PLCB3: variants seen among roughly 807,000 people sequenced by gnomAD.
The protein encoded by PLCB3 is phospholipase C beta 3, also known as 1-phosphatidylinositol 4,5-bisphosphate phosphodiesterase beta-3.
PLCB3 carries 54 observed loss-of-function variants against 152.1 expected under a neutral mutation model. The ratio of observed to expected loss-of-function variants is 0.36; its 90% confidence interval spans 0.29 to 0.45. The LOEUF (loss-of-function observed/expected upper bound fraction) is 0.45. Among genes scored for constraint, PLCB3 ranks in the 20% least tolerant of loss-of-function variants. The pLI is 1.00. For synonymous variants in PLCB3, 717 were observed against 698.7 expected, an observed-to-expected ratio of 1.03 and a Z score of -0.41; for missense variants, 1,248 against 1,687.5, an observed-to-expected ratio of 0.74 and a Z score of 4.56.
Position 64,254,926 on chromosome 11 carries a change from T to C in PLCB3, c.275T>C (p.Phe92Ser). Residue 92 changes from phenylalanine to serine, a missense_variant, in exon 4 of 31, where the codon TTT (phenylalanine) becomes TCT (serine). Coordinates refer to ENST00000279230, the MANE Select transcript of PLCB3 (RefSeq NM_000932.5). ...CCCAAGATCCGGGAAGTTCTGGGCT[T>C]TGGGGGTCCCGATGCCCGGCTGGAG... The part of the protein sequence containing the change: ...KDPKIREVLG[F>S]GGPDARLEEK... The C allele has an allele frequency of 6.2e-7, 1 of 1,605,612 alleles. No homozygotes were observed. The highest frequency in any genetic ancestry group is 8.5e-7 in the Non-Finnish European group (1 of 1,174,824).
chr11:64,266,566 C>T lies in PLCB3; in HGVS notation c.3414+14C>T, dbSNP rs960783188. ...TCCATCCGTCGGGTGAGTCAGGCTC[C>T]CGGGCCACCCTACCCCACCTCCCTT... On this transcript the variant is annotated intron_variant, in intron 29 of 30. Coordinates refer to ENST00000279230, the MANE Select transcript of PLCB3 (RefSeq NM_000932.5). This position sits in a 1 kb window ranked among gnomAD's most constrained non-coding sequence, Gnocchi z 4.9. The T allele has an allele frequency of 8.1e-6, 13 of 1,612,932 alleles. No homozygotes were observed. Among genetic ancestry groups the T allele is most frequent in the Non-Finnish European group, 1.0e-5 (12 of 1,179,278 alleles).
Position 64,262,567 on chromosome 11 carries a change from G to A in PLCB3, c.2193+6G>A. 1 of 1,613,116 alleles carries A rather than the reference G, an allele frequency of 6.2e-7. No homozygotes were observed. The highest frequency in any genetic ancestry group is 8.5e-7 in the Non-Finnish European group (1 of 1,179,416). On this transcript the variant is annotated splice_donor_region_variant and intron_variant, in intron 18 of 30. Coordinates refer to ENST00000279230, the MANE Select transcript of PLCB3 (RefSeq NM_000932.5). ...CCAATGCCTTGCGGGTCAAGGTGGG[G>A]CTTGCGGGCGGCTCAGGCCAGGGGT...
In PLCB3 at chr11:64,266,315, G is replaced by A. The variant is rs2032119436; in HGVS notation, c.3267G>A (p.Arg1089=). The A allele has an allele frequency of 4.1e-5, 66 of 1,613,396 alleles. No homozygotes were observed. Among genetic ancestry groups the A allele is most frequent in the Non-Finnish European group, 5.4e-5 (64 of 1,179,900 alleles). Residue 1089 remains arginine, a splice_region_variant and synonymous_variant, in exon 28 of 31, where the codon AGG becomes AGA. Coordinates refer to ENST00000279230, the MANE Select transcript of PLCB3 (RefSeq NM_000932.5). This position sits in a 1 kb window ranked among gnomAD's most constrained non-coding sequence, Gnocchi z 4.9. The stretch of plus-strand genomic sequence containing the variant: ...CCTCTTCCCCTGCCGGCTTCTCCAG[G>A]GAGAAGAAGGAGCTGCAGAAGATCC... ...QFKRLKEMNE[R]EKKELQKILD...
chr11:64,259,899 C>A, intron 13 of PLCB3, 130 bp from the exon 14 acceptor site: 1 of 744,338 alleles, frequency 1.3e-6, no homozygotes, highest in South Asian at 1.6e-5. Flanking sequence ...CTCCCCAAGC[C>A]ACACTGCCCT....
chr11:64,258,076 C>T lies in PLCB3; in HGVS notation c.1013-397C>T, dbSNP rs182459370. On this transcript the variant is annotated intron_variant, in intron 10 of 30. Transcript: ENST00000279230. This position sits in a 1 kb window ranked among gnomAD's most constrained non-coding sequence, Gnocchi z 7.2. ...GGCTGAGGCAGGAGAATCGCTTGAA[C>T]CAGGGAGGCGGAGGTTGCAGTGAAC... Among the ~76,000 whole-genome samples the T allele has an allele frequency of 5.6e-3, 853 of 151,546 alleles. 5 individuals carry two copies. Among genetic ancestry groups the T allele is most frequent in the Non-Finnish European group, 8.6e-3 (584 of 67,844 alleles).
chr11:64,260,135 C>T lies in PLCB3; in HGVS notation c.1632C>T (p.Asn544=), dbSNP rs750702491. 6 of 1,611,150 alleles carry T rather than the reference C, an allele frequency of 3.7e-6. No individual in the cohort carries two copies. The African/African-American group carries it at 4.0e-5, about 11-fold the overall frequency. ...PQKSLGDEGL[N]RGPYVLGPAD... ...AGTCTCTGGGTGACGAGGGCCTGAACCGAGGCCCCTATGTTCTTGGACCTG... is the reference window on the plus strand; with the variant it reads ...AGTCTCTGGGTGACGAGGGCCTGAATCGAGGCCCCTATGTTCTTGGACCTG... The change falls in exon 14 of 31, where the codon AAC becomes AAT. Residue 544 remains asparagine, a synonymous_variant. Coordinates refer to ENST00000279230, the MANE Select transcript of PLCB3 (RefSeq NM_000932.5).
chr11:64,259,898 C>T, intron 13 of PLCB3, 131 bp from the exon 14 acceptor site: 1 of 739,904 alleles, frequency 1.4e-6, no homozygotes, highest in Non-Finnish European at 2.2e-6. Context: ...TCTCCCCAAG[C>T]CACACTGCCC....
At position 64,251,597 on chromosome 11, in the gene PLCB3, C is replaced by T; in HGVS notation, c.-53C>T. Reference sequence around the variant, plus strand: ...GGGCCGCGCGGTGGGAGCAGCGGCGCCGTCGGTCCCCGTCAGGGCTCCGTG... The same window carrying T: ...GGGCCGCGCGGTGGGAGCAGCGGCGTCGTCGGTCCCCGTCAGGGCTCCGTG... On this transcript the variant is annotated 5_prime_UTR_variant, in exon 1 of 31. Transcript: ENST00000279230. The T allele has an allele frequency of 3.4e-6, 3 of 878,892 alleles. No homozygotes were observed. Among genetic ancestry groups the T allele is most frequent in the Non-Finnish European group, 4.6e-6 (3 of 656,910 alleles). The allele number at this position is 878,892 out of a possible 1,614,324, so 54.4% of individuals were successfully genotyped here. A position where few individuals can be genotyped will look rare whatever the true frequency, so the allele number is the denominator to read the frequency against.
At chr11:64,261,799 G>C (rs181596307) in intron 16 of PLCB3, 134 bp downstream of exon 16, 1 of 1,425,690 alleles carries the variant, frequency 7.0e-7, no homozygotes, top group East Asian at 2.3e-5. Context: ...CCTGGCCTGG[G>C]GCTTGGGCAG....
At position 64,260,119 on chromosome 11, in the gene PLCB3, G is replaced by A. The variant is rs1259224338; in HGVS notation, c.1616G>A (p.Gly539Asp). 1.2e-6 allele frequency: 2 copies of A among 1,612,062 alleles called. No homozygotes were observed. The highest frequency in any genetic ancestry group is 2.2e-5 in the East Asian group (1 of 44,892). The part of the protein sequence containing the change: ...KPSLEPQKSL[G>D]DEGLNRGPYV... Reference sequence around the variant, plus strand: ...AGCCTGGAGCCTCAGAAGTCTCTGGGTGACGAGGGCCTGAACCGAGGCCCC... The same window carrying A: ...AGCCTGGAGCCTCAGAAGTCTCTGGATGACGAGGGCCTGAACCGAGGCCCC... The change falls in exon 14 of 31, where the codon GGT becomes GAT. Residue 539 changes from glycine (G) to aspartate (D), a missense_variant. Gly to Asp is a moderately conservative substitution (Grantham distance 94). This residue lies in a region of PLCB3 where 105 missense variants were observed against 100.9 expected (regional missense o/e 1.04). Coordinates refer to ENST00000279230, the MANE Select transcript of PLCB3 (RefSeq NM_000932.5).
chr11:64,256,972 C>G (rs891775848), intron 10 of PLCB3, among the ~76,000 whole-genome samples: 3 of 148,262 alleles, frequency 2.0e-5, no homozygotes, highest in Admixed American at 1.4e-4. Context: ...GTGTTAGGGC[C>G]TGCAGCAGGA....
In PLCB3 at chr11:64,267,325, G is replaced by A. The variant is rs764004999; in HGVS notation, c.3502-28G>A. ...ACGGGGTGCAAGGCAGCCAGGCCTCGCCTGTGATGCCCATCCTTCTCCCAC... is the reference window on the plus strand; with the variant it reads ...ACGGGGTGCAAGGCAGCCAGGCCTCACCTGTGATGCCCATCCTTCTCCCAC... On this transcript the variant is annotated intron_variant, in intron 30 of 30. Coordinates refer to ENST00000279230, the MANE Select transcript of PLCB3 (RefSeq NM_000932.5). This position sits in a 1 kb window ranked among gnomAD's most constrained non-coding sequence, Gnocchi z 5.2. 57 of 1,550,048 alleles carry A rather than the reference G, an allele frequency of 3.7e-5. No homozygotes were observed. Among genetic ancestry groups the A allele is most frequent in the South Asian group, 1.8e-4 (15 of 84,042 alleles).
At chr11:64,264,467 C>G (rs1210459007) in intron 22 of PLCB3, among the ~76,000 whole-genome samples, 2 of 152,126 alleles carry the variant, frequency 1.3e-5, no homozygotes, top group African/African-American at 2.4e-5. Flanking sequence ...ACCTGCGCTT[C>G]CAGATCCAGT....
In PLCB3 at chr11:64,265,062, G is replaced by A; in HGVS notation, c.2764G>A (p.Gly922Ser). ...PLDASPRRPP[G>S]PTTSPASTSL... ...GGATGCCTCCCCCCGCCGGCCCCCT[G>A]GCCCCACCACCTCCCCTGCCAGCAC... The change falls in exon 23 of 31, where the codon GGC becomes AGC. Residue 922 changes from glycine to serine, a missense_variant. Coordinates refer to ENST00000279230, the MANE Select transcript of PLCB3 (RefSeq NM_000932.5). The A allele has an allele frequency of 9.9e-7, 1 of 1,013,076 alleles. No homozygotes were observed. The highest frequency in any genetic ancestry group is 1.2e-6 in the Non-Finnish European group (1 of 825,034). 62.8% of individuals were successfully genotyped at this position (1,013,076 alleles called of 1,614,324 possible). A position where few individuals can be genotyped will look rare whatever the true frequency, so the allele number is the denominator to read the frequency against.
chr11:64,252,104 C>T (rs1271879276), intron 1 of PLCB3, among the ~76,000 whole-genome samples: 3 of 152,164 alleles, frequency 2.0e-5, no homozygotes, highest in Admixed American at 6.5e-5. Flanking sequence ...ACTAGACTCC[C>T]CGGCTGCAGG....
In PLCB3 at chr11:64,251,542, G is replaced by A. The variant is rs1473429449; in HGVS notation, c.-108G>A. On this transcript the variant is annotated 5_prime_UTR_variant, in exon 1 of 31. Transcript: ENST00000279230. ...GTCGGTCCGGGACAGACTGGCGGGC[G>A]GGCGGGCACTGACGCCGCGGGGCCG... is the stretch of plus-strand genomic sequence containing the variant. The A allele has an allele frequency of 6.4e-6, 2 of 310,394 alleles. No homozygotes were observed. Among genetic ancestry groups the A allele is most frequent in the Non-Finnish European group, 1.1e-5 (2 of 184,444 alleles). 19.2% of individuals were successfully genotyped at this position (310,394 alleles called of 1,614,324 possible).
At chr11:64,263,398 G>A in intron 19 of PLCB3, 100 bp from the exon 20 acceptor site, 1 of 710,420 alleles carries the variant, frequency 1.4e-6, no homozygotes, top group Admixed American at 2.5e-5. Context: ...CTCGTCTGAA[G>A]GTCTGCTTTG....
chr11:64,259,352 CTG>C, intron 13 of PLCB3, 108 bp downstream of exon 13: 4 of 943,836 alleles, frequency 4.2e-6, no homozygotes, highest in Non-Finnish European at 6.1e-6. Context: ...TCCTGCCTCG[CTG>C]TGCGCCTGTT....
Position 64,255,624 on chromosome 11 carries a change from G to T in PLCB3, c.597+8G>T. On this transcript the variant is annotated splice_region_variant and intron_variant, in intron 7 of 30. Transcript: ENST00000279230. This position sits in a 1 kb window ranked among gnomAD's most constrained non-coding sequence, Gnocchi z 6.8. The stretch of plus-strand genomic sequence containing the variant: ...GGCCTCAAATTCAACCGGGTGTGTG[G>T]GGTGGGGACAGGGGCGGGGTGGGGT... 6.2e-7 allele frequency: 1 copy of T among 1,611,612 alleles called. No homozygotes were observed.
Sources: allele counts gnomAD v4.1 joint callset (sites outside exome capture counted in the v4.1 genomes callset), GRCh38; gene constraint gnomAD v4.1.1; regional missense constraint gnomAD v4.1.1; non-coding constraint Gnocchi (gnomAD v3.1); transcripts MANE v1.5; gene names NCBI Gene and HGNC (gene_info 2026-07-23, HGNC 2026-07-21).